Variants in NAA16 observed in about 807,000 individuals in gnomAD.
NAA16 encodes NARG1-like protein.
Under a neutral mutation model 110.3 loss-of-function variants are expected in NAA16, and 97 were observed. The ratio of observed to expected loss-of-function variants is 0.88; its 90% CI spans 0.75 to 1.04. NAA16 has a LOEUF of 1.04. Among genes scored for constraint, NAA16 ranks in the 50% least tolerant of loss-of-function variants. The pLI, the probability that NAA16 is intolerant of heterozygous loss-of-function variation, is 0.00. For missense variants in NAA16, 1,017 were observed against 1,005.1 expected, an observed-to-expected ratio of 1.01 and a Z score of -0.16; for synonymous variants, 372 against 330.6, an observed-to-expected ratio of 1.13 and a Z score of -1.36.
Position 41,322,959 on chromosome 13 carries a change from T to C in NAA16, c.403-97T>C, listed in dbSNP as rs1173946734. The C allele has an allele frequency of 1.2e-5, 13 of 1,061,656 alleles. No individual in the cohort carries two copies. The Middle Eastern group carries it at 1.4e-3, about 115-fold the overall frequency. 65.8% of individuals were successfully genotyped at this position (1,061,656 alleles called of 1,614,324 possible). ...ATTCTGAAACTGATCTTTGTTGATA[T>C]AGTTCATTAGAAATGTGTTAAAGGT... is the stretch of plus-strand genomic sequence containing the variant. On this transcript the variant is annotated intron_variant, in intron 4 of 19. Coordinates refer to ENST00000379406, the MANE Select transcript of NAA16 (RefSeq NM_024561.5).
intron 12 of NAA16, among the ~76,000 whole-genome samples, chr13:41,360,626 T>A (rs1292418307): frequency 6.6e-6 from 1 of 152,214 alleles, no homozygotes; most frequent in Non-Finnish European, 1.5e-5. Flanking sequence ...GGCAAGCTTG[T>A]TCACTTTATG....
At chr13:41,347,842 C>A (rs1160727589) in intron 9 of NAA16, among the ~76,000 whole-genome samples, 2 of 151,998 alleles carry the variant, frequency 1.3e-5, no homozygotes, top group Admixed American at 1.3e-4. Flanking sequence ...ATTTCATTTT[C>A]TTGACTAATT....
chr13:41,335,600 G>T (rs941426464), intron 8 of NAA16, among the ~76,000 whole-genome samples: 3 of 152,194 alleles, frequency 2.0e-5, no homozygotes, highest in Non-Finnish European at 2.9e-5. Context: ...TTTTTCAAAA[G>T]ACCAGTATTT....
In NAA16 at chr13:41,358,426, A is replaced by T; in HGVS notation, c.1210A>T (p.Thr404Ser). The change falls in exon 11 of 20, where the codon ACT (threonine) becomes TCT (serine). Residue 404 changes from threonine to serine, a missense_variant. Transcript: ENST00000379406. ...TTATATTAATGCTGCAATTGCTAGT[A>T]CTCCAACTCTAATAGAATTATTCTA... The part of the protein sequence containing the change: ...LDYINAAIAS[T>S]PTLIELFYMK... 1.9e-6 allele frequency: 3 copies of T among 1,613,270 alleles called. No homozygotes were observed. The highest frequency in any genetic ancestry group is 2.5e-6 in the Non-Finnish European group (3 of 1,179,282).
intron 14 of NAA16, among the ~76,000 whole-genome samples, chr13:41,368,317 C>G (rs916728502): frequency 7.9e-5 from 12 of 152,066 alleles, no homozygotes; most frequent in African/African-American, 2.9e-4. Context: ...GGTAGCTGTT[C>G]ATTTCTAATA....
chr13:41,369,095 T>G lies in NAA16; in HGVS notation c.1759T>G (p.Leu587Val). ...SKQQEINSEN[L>V]SAKELKKMLS... The stretch of plus-strand genomic sequence containing the variant: ...GTTCATTTGGATATTTATAGAAAAC[T>G]TGTCAGCCAAAGAATTGAAGAAAAT... The change falls in exon 15 of 20, where the codon TTG (leucine) becomes GTG (valine). Residue 587 changes from leucine to valine, a missense_variant. Physicochemically the swap from Leu to Val is conservative, Grantham distance 32. Transcript: ENST00000379406. 1 of 1,558,586 alleles carries G rather than the reference T, an allele frequency of 6.4e-7. No individual in the cohort carries two copies. The highest frequency in any genetic ancestry group is 2.3e-5 in the East Asian group (1 of 43,958).
chr13:41,343,240 G>A (rs999469369), intron 9 of NAA16, among the ~76,000 whole-genome samples: 1 of 152,070 alleles, frequency 6.6e-6, no homozygotes, highest in Non-Finnish European at 1.5e-5. Context: ...GAGTAGACGC[G>A]TGCCACGATG....
chr13:41,366,626 T>C (rs1433010181), intron 13 of NAA16, among the ~76,000 whole-genome samples: 1 of 152,130 alleles, frequency 6.6e-6, no homozygotes, highest in African/African-American at 2.4e-5. Context: ...GATGAAAGCT[T>C]TGAGCTCTCT....
intron 12 of NAA16, among the ~76,000 whole-genome samples, chr13:41,360,427 G>C (rs974612003): frequency 6.6e-5 from 10 of 152,224 alleles, no homozygotes; most frequent in African/African-American, 2.4e-4. Context: ...AAAACTTAAA[G>C]AAGTTCAGTG....
At chr13:41,313,174 C>T (rs933930181) in intron 1 of NAA16, among the ~76,000 whole-genome samples, 1 of 151,600 alleles carries the variant, frequency 6.6e-6, no homozygotes, top group African/African-American at 2.4e-5. Flanking sequence ...TCTTAAATTA[C>T]AAAAAAGGTA....
chr13:41,348,800 GT>G (rs2139463300), intron 9 of NAA16, among the ~76,000 whole-genome samples: 1 of 152,126 alleles, frequency 6.6e-6, no homozygotes, highest in South Asian at 2.1e-4. Flanking sequence ...TTTGTGGGTA[GT>G]TTTTTATTAT....
intron 2 of NAA16, among the ~76,000 whole-genome samples, chr13:41,317,657 A>AT (rs1389870570): frequency 2.0e-5 from 3 of 152,206 alleles, no homozygotes; most frequent in Non-Finnish European, 4.4e-5. Flanking sequence ...ATGGAAAGAA[A>AT]TCTTCATTTC....
intron 13 of NAA16, chr13:41,362,697 ATT>A: frequency 3.1e-6 from 4 of 1,289,210 alleles, no homozygotes; most frequent in Non-Finnish European, 4.0e-6. Context: ...CTTTGTGTGA[ATT>A]TTTGTTTTCC....
intron 1 of NAA16, among the ~76,000 whole-genome samples, chr13:41,312,584 G>A (rs2041656379): frequency 6.6e-6 from 1 of 152,192 alleles, no homozygotes; most frequent in Non-Finnish European, 1.5e-5. Context: ...TGCTAAACAT[G>A]CATTTAGGTT....
At chr13:41,337,387 C>T (rs1022144848) in intron 9 of NAA16, among the ~76,000 whole-genome samples, 6 of 151,674 alleles carry the variant, frequency 4.0e-5, no homozygotes, top group Admixed American at 6.6e-5. Context: ...AGTAAGAATA[C>T]AAAAAATTAG....
intron 9 of NAA16, among the ~76,000 whole-genome samples, chr13:41,343,213 T>A (rs1487120226): frequency 6.6e-6 from 1 of 151,690 alleles, no homozygotes; most frequent in Non-Finnish European, 1.5e-5. Flanking sequence ...CAAGTGATCC[T>A]TCCGTCTCAG....
intron 13 of NAA16, chr13:41,362,998 A>G: frequency 3.3e-6 from 2 of 613,566 alleles, no homozygotes; most frequent in Non-Finnish European, 4.2e-6. Flanking sequence ...AACTAGAATT[A>G]TACCCAAGCA....
At chr13:41,318,495 C>T (rs9594521) in intron 2 of NAA16, among the ~76,000 whole-genome samples, 13,257 of 152,204 alleles carry the variant, frequency 0.087, 667 homozygotes, top group East Asian at 0.2. Flanking sequence ...AGCCATTGCA[C>T]CTGGCCTGCT....
chr13:41,355,295 ATG>A lies in NAA16; in HGVS notation c.1087+86_1087+87del, dbSNP rs2042952520. The A allele has an allele frequency of 3.5e-6, 3 of 852,846 alleles. No individual in the cohort carries two copies. The South Asian group carries it at 5.0e-5, about 14-fold the overall frequency. The allele number at this position is 852,846 out of a possible 1,614,324, so 52.8% of individuals were successfully genotyped here. A position where few individuals can be genotyped will look rare whatever the true frequency, so the allele number is the denominator to read the frequency against. On this transcript the variant is annotated intron_variant, in intron 10 of 19. Transcript: ENST00000379406. ...ACAGTAATGCTCTTTTATGTATATT[ATG>A]TGTGTGCTACCTAATGGCTACTTAA...
Sources: gnomAD v4.1 joint callset for allele counts (sites outside exome capture counted in the v4.1 genomes callset) on GRCh38, gnomAD v4.1.1 for gene constraint, MANE v1.5 for transcripts, NCBI Gene and HGNC (gene_info 2026-07-23, HGNC 2026-07-21) for gene names.